PLCXD3: variants seen among roughly 807,000 people sequenced by gnomAD.
PLCXD3 encodes the protein PI-PLC X domain-containing protein 3.
A neutral mutation model predicts 25.5 loss-of-function variants in PLCXD3; 19 were observed. The ratio of observed to expected loss-of-function variants is 0.75; its 90% CI spans 0.52 to 1.09. The LOEUF (loss-of-function observed/expected upper bound fraction) is 1.09. Among genes scored for constraint, PLCXD3 ranks in the 50% least tolerant of loss-of-function variants. PLCXD3 has a pLI of 0.00. For missense variants in PLCXD3, 411 were observed against 388.1 expected (o/e 1.06, Z -0.50); for synonymous variants, 174 against 137.6 (o/e 1.26, Z -1.85).
At position 41,316,097 on chromosome 5, in the gene PLCXD3, C is replaced by A. The variant is rs558600777; in HGVS notation, c.813-2327G>T. The stretch of plus-strand genomic sequence containing the variant: ...GCACAGCTTGTGGTTTCAAAAGAGA[C>A]CCCCTTCTTCCACTTGGGAGAAGAG... On this transcript the variant is annotated intron_variant, in intron 2 of 2. Coordinates refer to ENST00000377801, the MANE Select transcript of PLCXD3 (RefSeq NM_001005473.3). Among the ~76,000 whole-genome samples the A allele has an allele frequency of 4.6e-5, 7 of 152,266 alleles. No individual in the cohort carries two copies. In the East Asian group the frequency reaches 1.4e-3, roughly 29 times the overall value.
At chr5:41,400,870 G>A (rs201898692) in intron 1 of PLCXD3, among the ~76,000 whole-genome samples, 1 of 151,990 alleles carries the variant, frequency 6.6e-6, no homozygotes, top group East Asian at 1.9e-4. Flanking sequence ...TAACTCAAAG[G>A]ATAACTGTTC....
At chr5:41,386,209 C>T (rs1051219021) in intron 1 of PLCXD3, among the ~76,000 whole-genome samples, 1 of 151,990 alleles carries the variant, frequency 6.6e-6, no homozygotes, top group Non-Finnish European at 1.5e-5. Context: ...TGTTTCTATG[C>T]TTGAAAACTG....
chr5:41,370,059 C>G (rs1745047680), intron 2 of PLCXD3, among the ~76,000 whole-genome samples: 1 of 152,084 alleles, frequency 6.6e-6, no homozygotes, highest in African/African-American at 2.4e-5. Context: ...AACTTGTAAG[C>G]TTTTTTGCTC....
intron 1 of PLCXD3, among the ~76,000 whole-genome samples, chr5:41,431,120 T>G (rs995524390): frequency 3.3e-5 from 5 of 152,162 alleles, no homozygotes; most frequent in Non-Finnish European, 5.9e-5. Flanking sequence ...CCATGCCAAT[T>G]TTCTGGGCTG....
intron 1 of PLCXD3, among the ~76,000 whole-genome samples, chr5:41,470,404 C>A (rs551296188): frequency 1.3e-5 from 2 of 152,120 alleles, no homozygotes; most frequent in South Asian, 4.1e-4. Flanking sequence ...TTTAGAAGCA[C>A]CAAGTATCAT....
In PLCXD3 at chr5:41,308,339, CT is replaced by C. The variant is rs1268050646; in HGVS notation, c.*5277del. 1.3e-5 allele frequency: 2 copies of C among 152,042 alleles called. No homozygotes were observed. Among genetic ancestry groups the C allele is most frequent in the African/African-American group, 2.4e-5 (1 of 41,386 alleles). 9.4% of individuals were successfully genotyped at this position (152,042 alleles called of 1,614,324 possible). A position where few individuals can be genotyped will look rare whatever the true frequency, so the allele number is the denominator to read the frequency against. On this transcript the variant is annotated 3_prime_UTR_variant, in exon 3 of 3. Coordinates refer to ENST00000377801, the MANE Select transcript of PLCXD3 (RefSeq NM_001005473.3). ...ATATGAGAAATATGCTAAAGAAATA[CT>C]GTTTATCTGAAATTTAAATTTCACT...
At chr5:41,433,345 A>G (rs1040049455) in intron 1 of PLCXD3, among the ~76,000 whole-genome samples, 1 of 152,208 alleles carries the variant, frequency 6.6e-6, no homozygotes, top group Non-Finnish European at 1.5e-5. Flanking sequence ...AAATGCAATC[A>G]GTGTTCATTA....
At chr5:41,322,185 C>T (rs1271792880) in intron 2 of PLCXD3, among the ~76,000 whole-genome samples, 1 of 152,122 alleles carries the variant, frequency 6.6e-6, no homozygotes, top group Admixed American at 6.5e-5. Flanking sequence ...ACCCATCTGA[C>T]ATGAGATTAA....
At chr5:41,406,679 G>A (rs1746360815) in intron 1 of PLCXD3, among the ~76,000 whole-genome samples, 1 of 152,032 alleles carries the variant, frequency 6.6e-6, no homozygotes, top group South Asian at 2.1e-4. Context: ...CTGGCTTCCT[G>A]TGGGGGCCAC....
At chr5:41,432,239 A>G (rs1359485047) in intron 1 of PLCXD3, among the ~76,000 whole-genome samples, 3 of 152,188 alleles carry the variant, frequency 2.0e-5, no homozygotes. Context: ...TCTCCCTACT[A>G]CGTAATTCAA....
intron 2 of PLCXD3, among the ~76,000 whole-genome samples, chr5:41,372,296 TCTCACACACACA>T (rs1391362923): frequency 7.0e-4 from 93 of 132,840 alleles, no homozygotes; most frequent in African/African-American, 1.2e-3. Flanking sequence ...TCTCTCTCTC[TCTCACACACACA>T]CACACACACA....
At chr5:41,400,510 A>G (rs1479979869) in intron 1 of PLCXD3, among the ~76,000 whole-genome samples, 1 of 152,142 alleles carries the variant, frequency 6.6e-6, no homozygotes, top group Non-Finnish European at 1.5e-5. Context: ...TCAGCCACAT[A>G]GAAGAATAAG....
At chr5:41,347,287 G>A (rs1173986692) in intron 2 of PLCXD3, among the ~76,000 whole-genome samples, 1 of 152,102 alleles carries the variant, frequency 6.6e-6, no homozygotes, top group Non-Finnish European at 1.5e-5. Flanking sequence ...AGTAAAGTTA[G>A]AAAAAATTAG....
At chr5:41,495,718 T>G (rs1041227450) in intron 1 of PLCXD3, among the ~76,000 whole-genome samples, 4 of 152,208 alleles carry the variant, frequency 2.6e-5, no homozygotes, top group Non-Finnish European at 5.9e-5. Context: ...CAGAGAAGGT[T>G]TGAGAGTCTT....
chr5:41,312,685 T>TTCCCTTCC lies in PLCXD3; in HGVS notation c.*931_*932insGGAAGGGA, dbSNP rs1554041759. 2.9e-5 allele frequency: 3 copies of TTCCCTTCC among 104,678 alleles called. No individual in the cohort carries two copies. Among genetic ancestry groups the TTCCCTTCC allele is most frequent in the African/African-American group, 7.1e-5 (2 of 28,340 alleles). The allele number at this position is 104,678 out of a possible 1,614,324, so 6.5% of individuals were successfully genotyped here. ...CTTCCTCCCTCCCTTCCTTTCTTCC[T>TTCCCTTCC]TTCCTTCCTTCCTTCCTTCCTTCCT... On this transcript the variant is annotated 3_prime_UTR_variant, in exon 3 of 3. Coordinates refer to ENST00000377801, the MANE Select transcript of PLCXD3 (RefSeq NM_001005473.3).
intron 2 of PLCXD3, among the ~76,000 whole-genome samples, chr5:41,357,209 A>G (rs970947230): frequency 5.9e-5 from 9 of 152,202 alleles, no homozygotes; most frequent in African/African-American, 1.9e-4. Context: ...TGACCTTTCA[A>G]TGGCTCCCTG....
intron 1 of PLCXD3, among the ~76,000 whole-genome samples, chr5:41,459,076 A>G (rs139470848): frequency 6.6e-6 from 1 of 151,828 alleles, no homozygotes; most frequent in African/African-American, 2.4e-5. Flanking sequence ...ATTTTCCTTC[A>G]ATGCCAAGTA....
intron 2 of PLCXD3, among the ~76,000 whole-genome samples, chr5:41,365,282 C>T (rs550089303): frequency 6.6e-6 from 1 of 152,260 alleles, no homozygotes; most frequent in Admixed American, 6.5e-5. Flanking sequence ...AGACGTGCAC[C>T]TGATATATGG....
At chr5:41,326,330 C>G (rs1743626116) in intron 2 of PLCXD3, among the ~76,000 whole-genome samples, 1 of 152,052 alleles carries the variant, frequency 6.6e-6, no homozygotes, top group Non-Finnish European at 1.5e-5. Context: ...TGTGTGTTAT[C>G]TACACCACAG....
Sources: gnomAD v4.1 joint callset for allele counts (sites outside exome capture counted in the v4.1 genomes callset) on GRCh38, gnomAD v4.1.1 for gene constraint, MANE v1.5 for transcripts, NCBI Gene and HGNC (gene_info 2026-07-23, HGNC 2026-07-21) for gene names.